CROT: variants seen among roughly 807,000 people sequenced by gnomAD.
CROT encodes the protein carnitine O-octanoyltransferase, also known as peroxisomal carnitine O-octanoyltransferase.
A neutral mutation model predicts 89.2 loss-of-function variants in CROT; 84 were observed. The ratio of observed to expected loss-of-function variants is 0.94; its 90% confidence interval spans 0.79 to 1.13. The LOEUF (loss-of-function observed/expected upper bound fraction) is 1.13, where lower values mean the gene tolerates loss of function less well. Ranked by LOEUF, CROT falls within the 50% of genes most tolerant of loss-of-function variation. The pLI is 0.00. For missense variants in CROT, 711 were observed against 727.8 expected (o/e 0.98, Z 0.27); for synonymous variants, 212 against 239.5 (o/e 0.89, Z 1.06).
intron 13 of CROT, among the ~76,000 whole-genome samples, chr7:87,386,624 G>A (rs1807191012): frequency 1.3e-5 from 2 of 152,100 alleles, no homozygotes; most frequent in South Asian, 4.1e-4. Flanking sequence ...TCTTGTAAAA[G>A]TTCAGATTGC....
At chr7:87,394,597 A>G (rs1807465106) in intron 17 of CROT, among the ~76,000 whole-genome samples, 1 of 151,926 alleles carries the variant, frequency 6.6e-6, no homozygotes, top group African/African-American at 2.4e-5. Context: ...CTGCAGCTAC[A>G]CTGGCAGGCA....
intron 3 of CROT, among the ~76,000 whole-genome samples, 175 bp from the exon 4 acceptor site, chr7:87,359,031 T>C (rs1340836242): frequency 6.6e-6 from 1 of 152,356 alleles, no homozygotes. Flanking sequence ...AAATCTTTTG[T>C]TTCTTTTCCG....
chr7:87,349,006 C>T, intron 2 of CROT, 42 bp from the exon 3 acceptor site: 1 of 828,496 alleles, frequency 1.2e-6, no homozygotes, highest in Non-Finnish European at 2.0e-6. Context: ...GTAACACTAT[C>T]TATGAGATTG....
chr7:87,398,325 C>G, intron 17 of CROT, 199 bp from the exon 18 acceptor site: 1 of 699,580 alleles, frequency 1.4e-6, no homozygotes, highest in South Asian at 1.5e-5. Flanking sequence ...AGGTGCTAGT[C>G]ATCTAATGAA....
chr7:87,387,992 T>C (rs1417788999), intron 13 of CROT, among the ~76,000 whole-genome samples: 1 of 152,180 alleles, frequency 6.6e-6, no homozygotes, highest in Non-Finnish European at 1.5e-5. Context: ...GCTGCTTCTG[T>C]GTCCACAGTC....
At chr7:87,383,322 A>C (rs1348932773) in intron 13 of CROT, among the ~76,000 whole-genome samples, 1 of 152,034 alleles carries the variant, frequency 6.6e-6, no homozygotes, top group Non-Finnish European at 1.5e-5. Flanking sequence ...CCACGAGATC[A>C]ATTTTTTTTA....
At chr7:87,347,540 G>T (rs1470783368) in intron 2 of CROT, among the ~76,000 whole-genome samples, 1 of 152,132 alleles carries the variant, frequency 6.6e-6, no homozygotes. Flanking sequence ...TGGTCAAAAT[G>T]GTGTGCAGCC....
chr7:87,369,476 G>A lies in CROT; in HGVS notation c.648G>A (p.Glu216=), dbSNP rs931764913. The change falls in exon 7 of 18, where the codon GAG becomes GAA. Residue 216 remains glutamate (E), a synonymous_variant. Coordinates refer to ENST00000331536, the MANE Select transcript of CROT (RefSeq NM_021151.4). The stretch of plus-strand genomic sequence containing the variant: ...AAGGATGTTTGGTCACCCCGCCAGA[G>A]CTTCTCAGGTTTTCAGACTACTTTC... ...IHEGCLVTPP[E]LLRQLTYIHK... 6.2e-6 allele frequency: 10 copies of A among 1,609,108 alleles called. No homozygotes were observed. The Admixed American group carries it at 1.0e-4, about 16-fold the overall frequency.
At chr7:87,370,195 T>G (rs1285378457) in intron 7 of CROT, among the ~76,000 whole-genome samples, 1 of 152,218 alleles carries the variant, frequency 6.6e-6, no homozygotes. Context: ...AAAATAATTT[T>G]TTTTTTGAGA....
chr7:87,382,412 G>A lies in CROT; in HGVS notation c.1171-1G>A, dbSNP rs1730834150. 6.2e-7 allele frequency: 1 copy of A among 1,609,044 alleles called. No homozygotes were observed. The highest frequency in any genetic ancestry group is 1.7e-4 in the Middle Eastern group (1 of 6,018). On this transcript the variant is annotated splice_acceptor_variant, in intron 12 of 17. Coordinates refer to ENST00000331536, the MANE Select transcript of CROT (RefSeq NM_021151.4). LOFTEE classifies it high-confidence loss of function. ...CGTTCTCATTTAATTCTTCTTGTTA[G>A]GCATCTGATCTACAGATTGCGGCTT...
At chr7:87,359,398 A>G (rs1806205735) in intron 4 of CROT, 68 bp downstream of exon 4, 1 of 1,509,102 alleles carries the variant, frequency 6.6e-7, no homozygotes, top group Admixed American at 2.4e-5. Context: ...CATAGTTTTT[A>G]TTTTTAAATT....
intron 1 of CROT, 44 bp downstream of exon 1, chr7:87,345,811 CG>C: frequency 4.9e-6 from 1 of 204,026 alleles, no homozygotes; most frequent in Non-Finnish European, 9.3e-6. Flanking sequence ...TCCTTCAACT[CG>C]GGGGCGGGGG....
intron 13 of CROT, among the ~76,000 whole-genome samples, chr7:87,388,394 A>C (rs962476687): frequency 2.0e-5 from 3 of 152,230 alleles, no homozygotes; most frequent in African/African-American, 7.2e-5. Flanking sequence ...GGCTACAGTA[A>C]CCAAAACAGC....
At position 87,382,527 on chromosome 7, in the gene CROT, T is replaced by C. The variant is rs200779350; in HGVS notation, c.1285T>C (p.Tyr429His). Residue 429 changes from tyrosine to histidine, a missense_variant, in exon 13 of 18, where the codon TAC becomes CAC. Physicochemically the swap from Tyr to His is moderately conservative, Grantham distance 83. Transcript: ENST00000331536. ...FIQLALQLAY[Y>H]RLHGHPGCCY... ...TCAGCTTGCACTTCAGCTGGCCTAT[T>C]ACAGACTTCATGGACAGTAAGGACC... 670 of 1,613,736 alleles carry C rather than the reference T, an allele frequency of 4.2e-4. 1 individual carries two copies. The highest frequency in any genetic ancestry group is 5.4e-4 in the Non-Finnish European group (637 of 1,179,818).
rs150153230 is a variant in CROT at position 87,348,415 on chromosome 7, T to C, written c.-21-633T>C. ...TGTGCAATTAAAGCAGCTTGTCATA[T>C]GATTTATGTATTCTATAATAATCTT... On this transcript the variant is annotated intron_variant, in intron 2 of 17. Transcript: ENST00000331536. Among the ~76,000 whole-genome samples, 16 of 152,360 alleles carry C rather than the reference T, an allele frequency of 1.1e-4. No individual in the cohort carries two copies. In the East Asian group the frequency reaches 2.7e-3, roughly 26 times the overall value.
chr7:87,369,524 G>C (rs1562932300), intron 7 of CROT, 40 bp downstream of exon 7: 3 of 1,390,672 alleles, frequency 2.2e-6, no homozygotes, highest in Non-Finnish European at 3.0e-6. Flanking sequence ...AGGTCTTATG[G>C]TGTTGCTTGA....
intron 7 of CROT, chr7:87,375,140 A>T (rs1352037978): frequency 6.5e-6 from 1 of 154,200 alleles, no homozygotes; most frequent in Non-Finnish European, 1.4e-5. Flanking sequence ...GAAAATAGTT[A>T]AAACTGATTA....
At chr7:87,374,511 CAG>C (rs1265345277) in intron 7 of CROT, among the ~76,000 whole-genome samples, 1 of 151,946 alleles carries the variant, frequency 6.6e-6, no homozygotes, top group Admixed American at 6.6e-5. Flanking sequence ...TTTAGAAATT[CAG>C]AGTTTATGCT....
Position 87,386,670 on chromosome 7 carries a change from G to A in CROT, c.1301+4127G>A, listed in dbSNP as rs115401181. On this transcript the variant is annotated intron_variant, in intron 13 of 17. Transcript: ENST00000331536. ...GGACTTGGAGTGTCTGCAACGAAAG[G>A]ATACCCTGGCTGTGTGGGAAGGCTG... Among the ~76,000 whole-genome samples, 1,139 of 152,236 alleles carry A rather than the reference G, an allele frequency of 7.5e-3. 15 individuals are homozygous for A. The highest frequency in any genetic ancestry group is 0.025 in the African/African-American group (1,022 of 41,534).
Sources: allele counts gnomAD v4.1 joint callset (sites outside exome capture counted in the v4.1 genomes callset), GRCh38; gene constraint gnomAD v4.1.1; transcripts MANE v1.5; gene names NCBI Gene and HGNC (gene_info 2026-07-23, HGNC 2026-07-21).